Variants in UNC13B observed in about 807,000 individuals in gnomAD.
UNC13B encodes protein unc-13 homolog B.
Under a neutral mutation model 211.0 loss-of-function variants are expected in UNC13B, and 144 were observed. The observed-to-expected ratio is 0.68, with a 90% confidence interval of 0.60 to 0.78. UNC13B has a LOEUF of 0.78. UNC13B is among the 30% of genes least tolerant of loss of function. The probability of loss-of-function intolerance (pLI) is 0.00; values close to 1 mark genes in which losing one functional copy is unlikely to be tolerated. For synonymous variants in UNC13B, 709 were observed against 725.8 expected (o/e 0.98, Z 0.37); for missense variants, 1,777 against 2,002.0 (o/e 0.89, Z 2.14).
chr9:35,327,180 C>G (rs1831065966), intron 11 of UNC13B, among the ~76,000 whole-genome samples: 1 of 152,188 alleles, frequency 6.6e-6, no homozygotes, highest in Non-Finnish European at 1.5e-5. Context: ...GTGGAAGTAG[C>G]TTGCCTAGTT....
chr9:35,291,100 A>G, intron 7 of UNC13B: 2 of 1,550,408 alleles, frequency 1.3e-6, no homozygotes, highest in South Asian at 1.2e-5. Context: ...GGGGAGAACA[A>G]CAGAGTACGT....
chr9:35,268,598 G>A (rs1175459711), intron 7 of UNC13B, among the ~76,000 whole-genome samples: 3 of 152,246 alleles, frequency 2.0e-5, no homozygotes, highest in South Asian at 2.1e-4. Flanking sequence ...CAGCCTGGGC[G>A]ACAGAGCGAG....
chr9:35,220,567 C>T (rs1426526150), intron 1 of UNC13B, among the ~76,000 whole-genome samples: 2 of 152,250 alleles, frequency 1.3e-5, no homozygotes, highest in East Asian at 3.9e-4. Flanking sequence ...GTTCACATAA[C>T]ACAATGACCT....
intron 10 of UNC13B, among the ~76,000 whole-genome samples, chr9:35,313,579 C>T (rs927357281): frequency 6.6e-6 from 1 of 151,512 alleles, no homozygotes; most frequent in Non-Finnish European, 1.5e-5. Flanking sequence ...GAGCCGTGAT[C>T]ATGCCACAGC....
At position 35,403,917 on chromosome 9, in the gene UNC13B, A is replaced by G; in HGVS notation, c.12907A>G (p.Met4303Val). ...CWCPLGRKIH[M>V]DETGLTILRI... is the part of the protein sequence containing the mutation. ...GTGCCCCTTGGGCCGGAAGATCCAT[A>G]TGGATGAGACAGGCCTGACCATTCT... The change falls in exon 40 of 40, where the codon ATG (methionine) becomes GTG (valine). Residue 4303 changes from methionine to valine, a missense_variant. Physicochemically the swap from Met to Val is conservative, Grantham distance 21. Transcript: ENST00000635942. The G allele has an allele frequency of 1.2e-6, 2 of 1,614,136 alleles. No homozygotes were observed. Among genetic ancestry groups the G allele is most frequent in the Non-Finnish European group, 1.7e-6 (2 of 1,180,018 alleles).
intron 21 of UNC13B, among the ~76,000 whole-genome samples, chr9:35,383,350 A>G (rs1834982858): frequency 6.6e-6 from 1 of 152,224 alleles, no homozygotes; most frequent in Admixed American, 6.5e-5. Context: ...TATAAACTAG[A>G]TAAAATAATT....
At chr9:35,394,537 A>G (rs1459666401) in intron 26 of UNC13B, among the ~76,000 whole-genome samples, 1 of 152,234 alleles carries the variant, frequency 6.6e-6, no homozygotes, top group African/African-American at 2.4e-5. Context: ...CAGAGGTTGC[A>G]GTGAGCAGAG....
Position 35,278,176 on chromosome 9 carries a change from G to A in UNC13B, c.527-17520G>A, listed in dbSNP as rs80263807. Among the ~76,000 whole-genome samples the A allele has an allele frequency of 1.6e-4, 25 of 152,264 alleles. No homozygotes were observed. The East Asian group carries it at 4.2e-3, about 26-fold the overall frequency. On this transcript the variant is annotated intron_variant, in intron 7 of 39. Coordinates refer to ENST00000635942, the MANE Select transcript of UNC13B (RefSeq NM_001371189.2). ...GAAATGAATCCTCTTGTTGTTGTTGGCCTTCAAAAAGCCAAGATGTACAGG... is the reference window on the plus strand; with the variant it reads ...GAAATGAATCCTCTTGTTGTTGTTGACCTTCAAAAAGCCAAGATGTACAGG...
At chr9:35,372,375 G>A (rs1259457828) in intron 13 of UNC13B, among the ~76,000 whole-genome samples, 5 of 152,246 alleles carry the variant, frequency 3.3e-5, no homozygotes, top group African/African-American at 7.2e-5. Context: ...CCTTCTCAGC[G>A]TCCTCTGCCT....
At chr9:35,181,887 CA>C (rs1450112938) in intron 1 of UNC13B, among the ~76,000 whole-genome samples, 1 of 152,040 alleles carries the variant, frequency 6.6e-6, no homozygotes, top group Non-Finnish European at 1.5e-5. Flanking sequence ...ATCTGCCCAC[CA>C]AACTATCCTT....
intron 1 of UNC13B, among the ~76,000 whole-genome samples, chr9:35,178,719 C>T (rs1486274208): frequency 6.6e-6 from 1 of 151,360 alleles, no homozygotes; most frequent in Non-Finnish European, 1.5e-5. Context: ...GGTGAAACCC[C>T]GTCTCTGCTA....
rs573714690 is a variant in UNC13B, at chr9:35,182,379, T to C, written c.22+20074T>C. On this transcript the variant is annotated intron_variant, in intron 1 of 39. Coordinates refer to ENST00000635942, the MANE Select transcript of UNC13B (RefSeq NM_001371189.2). ...CATCTTTTGCTTCTGTGACCCCCCC[T>C]TTTTAAAATTTAGAAACTGTGAAAC... 7.7e-4 allele frequency among the ~76,000 whole-genome samples: 117 copies of C among 152,012 alleles called. 2 individuals carry two copies. The South Asian group carries it at 0.019, about 25-fold the overall frequency.
At chr9:35,193,414 C>T (rs544223465) in intron 1 of UNC13B, among the ~76,000 whole-genome samples, 13 of 151,918 alleles carry the variant, frequency 8.6e-5, no homozygotes, top group East Asian at 1.9e-4. Flanking sequence ...TTTGGTAGGC[C>T]GAGACAGGTG....
chr9:35,163,788 TCTG>T (rs1251527939), intron 1 of UNC13B, among the ~76,000 whole-genome samples: 1 of 152,260 alleles, frequency 6.6e-6, no homozygotes, highest in African/African-American at 2.4e-5. Context: ...GTCTAGAAAT[TCTG>T]CTATTTAGCT....
chr9:35,397,462 G>T, intron 29 of UNC13B, 152 bp downstream of exon 29: 14 of 1,365,322 alleles, frequency 1.0e-5, no homozygotes, highest in Non-Finnish European at 1.3e-5. Flanking sequence ...CAGACAGATG[G>T]TTCTGTCTTA....
intron 1 of UNC13B, among the ~76,000 whole-genome samples, chr9:35,172,116 C>T (rs1821364606): frequency 6.6e-6 from 1 of 151,488 alleles, no homozygotes. Flanking sequence ...CTCAAGGCCT[C>T]CTCCTGCCTC....
At chr9:35,332,703 A>G (rs1831442492) in intron 11 of UNC13B, among the ~76,000 whole-genome samples, 1 of 152,200 alleles carries the variant, frequency 6.6e-6, no homozygotes, top group South Asian at 2.1e-4. Context: ...AGCTCGAGTC[A>G]TGGCTACCAT....
chr9:35,333,705 T>A (rs975167662), intron 11 of UNC13B, among the ~76,000 whole-genome samples: 3 of 152,172 alleles, frequency 2.0e-5, no homozygotes, highest in Non-Finnish European at 4.4e-5. Flanking sequence ...TCCAAACCAG[T>A]GTTTCTAATG....
At chr9:35,191,735 C>G (rs1290408421) in intron 1 of UNC13B, among the ~76,000 whole-genome samples, 1 of 152,220 alleles carries the variant, frequency 6.6e-6, no homozygotes, top group Non-Finnish European at 1.5e-5. Flanking sequence ...ATGGCAGAGA[C>G]TAAAACAAAG....
Sources: gnomAD v4.1 joint callset for allele counts (sites outside exome capture counted in the v4.1 genomes callset) on GRCh38, gnomAD v4.1.1 for gene constraint, MANE v1.5 for transcripts, NCBI Gene and HGNC (gene_info 2026-07-23, HGNC 2026-07-21) for gene names.